The following LYPD5 variants were observed in gnomAD, a reference collection of about 807,000 sequenced individuals.
LYPD5 encodes the protein LY6/PLAUR domain containing 5.
Under a neutral mutation model 19.1 loss-of-function variants are expected in LYPD5, and 21 were observed. That is an observed-to-expected ratio of 1.10 (90% CI 0.78 to 1.58). The LOEUF is 1.58. Among genes scored for constraint, LYPD5 ranks in the 40% most tolerant of loss-of-function variants. The pLI is 0.00. For synonymous variants in LYPD5, 128 were observed against 142.7 expected (o/e 0.90, Z 0.74); for missense variants, 287 against 329.8 (o/e 0.87, Z 1.00).
chr19:43,815,707 C>A, intron 1 of LYPD5: 1 of 353,840 alleles, frequency 2.8e-6, no homozygotes, highest in Non-Finnish European at 5.5e-6. Flanking sequence ...TATAAACACA[C>A]ATCTATATAT....
chr19:43,799,855 G>A, intron 1 of LYPD5, 21 bp from the exon 2 acceptor site: 3 of 1,596,870 alleles, frequency 1.9e-6, no homozygotes, highest in Non-Finnish European at 2.6e-6. Context: ...AGGCGTGGCA[G>A]AGTCAGCAGG....
Position 43,796,398 on chromosome 19 carries a change from CATGAAAGTGT to C in LYPD5, c.*1183_*1192del, listed in dbSNP as rs1970129901. The C allele has an allele frequency of 2.1e-5, 1 of 48,630 alleles. No homozygotes were observed. The highest frequency in any genetic ancestry group is 8.1e-5 in the African/African-American group (1 of 12,320). 3.0% of individuals were successfully genotyped at this position (48,630 alleles called of 1,614,324 possible). A position where few individuals can be genotyped will look rare whatever the true frequency, so the allele number is the denominator to read the frequency against. The stretch of plus-strand genomic sequence containing the variant: ...TGCAGTTATGAAAGTGTCCTGCACT[CATGAAAGTGT>C]CCTGCACTCCTTGTGCTCCTTCCTC... On this transcript the variant is annotated 3_prime_UTR_variant, in exon 5 of 5. Transcript: ENST00000377950.
intron 1 of LYPD5, among the ~76,000 whole-genome samples, chr19:43,817,525 A>G (rs934089700): frequency 1.4e-4 from 21 of 152,090 alleles, no homozygotes; most frequent in Non-Finnish European, 2.8e-4. Context: ...TTTTTTTTCA[A>G]TCTACCACAT....
intron 1 of LYPD5, among the ~76,000 whole-genome samples, chr19:43,815,948 G>T (rs1021657232): frequency 6.6e-6 from 1 of 152,072 alleles, no homozygotes; most frequent in African/African-American, 2.4e-5. Context: ...TGGCCAGGCT[G>T]GTCTCGAACT....
chr19:43,805,433 CT>C (rs1970262700), upstream of LYPD5, among the ~76,000 whole-genome samples: 1 of 152,168 alleles, frequency 6.6e-6, no homozygotes, highest in Non-Finnish European at 1.5e-5. Context: ...TGTGAATTTT[CT>C]TTTGGAACTC....
chr19:43,811,843 C>T (rs1970327068), intron 1 of LYPD5, among the ~76,000 whole-genome samples: 1 of 152,048 alleles, frequency 6.6e-6, no homozygotes, highest in Non-Finnish European at 1.5e-5. Context: ...GCCATATTTG[C>T]TTATTCTATC....
chr19:43,804,345 A>C (rs1042968284), upstream of LYPD5, among the ~76,000 whole-genome samples: 1 of 152,138 alleles, frequency 6.6e-6, no homozygotes, highest in Non-Finnish European at 1.5e-5. Flanking sequence ...ATCACAGAGA[A>C]AAACATTTGC....
chr19:43,805,992 T>C (rs1386650097), upstream of LYPD5, among the ~76,000 whole-genome samples: 5 of 152,206 alleles, frequency 3.3e-5, no homozygotes, highest in East Asian at 9.6e-4. Context: ...CCCTTTCTTC[T>C]ATCCCTCCTC....
chr19:43,811,989 G>T (rs1455673159), intron 1 of LYPD5, among the ~76,000 whole-genome samples: 1 of 152,112 alleles, frequency 6.6e-6, no homozygotes, highest in Non-Finnish European at 1.5e-5. Context: ...TGGCTTGACT[G>T]ATTTCTGCTG....
intron 1 of LYPD5, among the ~76,000 whole-genome samples, chr19:43,819,008 G>C (rs1025671612): frequency 6.6e-6 from 1 of 151,958 alleles, no homozygotes. Flanking sequence ...TTCTATTCTT[G>C]TGTAGTCTTT....
intron 1 of LYPD5, among the ~76,000 whole-genome samples, chr19:43,813,006 G>C (rs1266139814): frequency 6.6e-6 from 1 of 152,132 alleles, no homozygotes; most frequent in Non-Finnish European, 1.5e-5. Context: ...TGGTGTCTGA[G>C]CCCCACCTCC....
At chr19:43,815,393 C>G (rs112527961) in intron 1 of LYPD5, among the ~76,000 whole-genome samples, 1,950 of 150,202 alleles carry the variant, frequency 0.013, 37 homozygotes, top group African/African-American at 0.045. Flanking sequence ...GGGCAACACA[C>G]GGAGACCCCG....
In LYPD5 at chr19:43,797,459, A is replaced by C; in HGVS notation, c.*132T>G. ...CCAGGTTGTGGGGCACAAGGGCGGG[A>C]GAGATGGAAGGCCAGAGGGACAGGA... On this transcript the variant is annotated 3_prime_UTR_variant, in exon 5 of 5. Transcript: ENST00000377950. The C allele has an allele frequency of 7.8e-6, 6 of 766,894 alleles. No homozygotes were observed. The highest frequency in any genetic ancestry group is 1.3e-5 in the Non-Finnish European group (6 of 468,056). 47.5% of individuals were successfully genotyped at this position (766,894 alleles called of 1,614,324 possible). A position where few individuals can be genotyped will look rare whatever the true frequency, so the allele number is the denominator to read the frequency against.
intron 1 of LYPD5, among the ~76,000 whole-genome samples, chr19:43,814,490 C>T (rs527608159): frequency 6.8e-6 from 1 of 147,426 alleles, no homozygotes; most frequent in African/African-American, 2.5e-5. Context: ...AAAGACCTGT[C>T]TCTAAAACAA....
intron 1 of LYPD5, among the ~76,000 whole-genome samples, chr19:43,815,410 C>T (rs191789289): frequency 1.1e-3 from 168 of 151,374 alleles, no homozygotes; most frequent in Non-Finnish European, 1.7e-3. Context: ...CCCGTCTCCA[C>T]AAAAAATTTA....
chr19:43,800,751 C>T (rs370720711), intron 1 of LYPD5, among the ~76,000 whole-genome samples: 3 of 151,778 alleles, frequency 2.0e-5, no homozygotes, highest in Admixed American at 6.6e-5. Context: ...CACCTGAACT[C>T]GGGAGTTAGA....
rs1599691103 is a variant in LYPD5, at chr19:43,795,954, C to T, written c.*1637G>A. On this transcript the variant is annotated 3_prime_UTR_variant, in exon 5 of 5. Coordinates refer to ENST00000377950, the MANE Select transcript of LYPD5 (RefSeq NM_001031749.3). ...GCTTATACACAACAGAAATTTATGT[C>T]TCATAGCTCTGGAGTCTGGGAAGTC... 1 of 152,152 alleles carries T rather than the reference C, an allele frequency of 6.6e-6. No individual in the cohort carries two copies. The highest frequency in any genetic ancestry group is 6.5e-5 in the Admixed American group (1 of 15,278). 9.4% of individuals were successfully genotyped at this position (152,152 alleles called of 1,614,324 possible).
At chr19:43,802,106 C>T (rs1343938596) in intron 1 of LYPD5, among the ~76,000 whole-genome samples, 1 of 151,962 alleles carries the variant, frequency 6.6e-6, no homozygotes, top group Non-Finnish European at 1.5e-5. Flanking sequence ...TCCTGCCCAC[C>T]AAGACCCAGG....
intron 1 of LYPD5, among the ~76,000 whole-genome samples, chr19:43,812,370 T>TATCTATCTATCA (rs1454380858): frequency 1.5e-4 from 21 of 141,836 alleles, no homozygotes; most frequent in African/African-American, 5.5e-4. Flanking sequence ...TCTATCTATC[T>TATCTATCTATCA]ATCTATCAAT....
Sources: gnomAD v4.1 joint callset for allele counts (sites outside exome capture counted in the v4.1 genomes callset) on GRCh38, gnomAD v4.1.1 for gene constraint, MANE v1.5 for transcripts, NCBI Gene and HGNC (gene_info 2026-07-23, HGNC 2026-07-21) for gene names.